CPQ: variants seen among roughly 807,000 people sequenced by gnomAD.
CPQ encodes the protein Ser-Met dipeptidase.
Under a neutral mutation model 45.7 loss-of-function variants are expected in CPQ, and 37 were observed. That is an observed-to-expected ratio of 0.81 (90% CI 0.62 to 1.07). CPQ has a LOEUF of 1.07. Among genes scored for constraint, CPQ ranks in the 50% least tolerant of loss-of-function variants. CPQ has a pLI of 0.00. For missense variants in CPQ, 537 were observed against 572.9 expected (o/e 0.94, Z 0.64); for synonymous variants, 186 against 205.8 (o/e 0.90, Z 0.82).
intron 5 of CPQ, among the ~76,000 whole-genome samples, chr8:97,025,459 T>G (rs1364584026): frequency 6.6e-6 from 1 of 152,170 alleles, no homozygotes; most frequent in African/African-American, 2.4e-5. Flanking sequence ...TTCTATATAT[T>G]TATAGGAGAA....
chr8:96,780,851 C>A (rs1164448452), intron 1 of CPQ, among the ~76,000 whole-genome samples: 1 of 151,752 alleles, frequency 6.6e-6, no homozygotes, highest in Non-Finnish European at 1.5e-5. Context: ...CAACACATTT[C>A]AAGGGCTCAA....
At chr8:96,736,411 C>T (rs1305437252) in intron 1 of CPQ, among the ~76,000 whole-genome samples, 3 of 152,122 alleles carry the variant, frequency 2.0e-5, no homozygotes, top group Non-Finnish European at 4.4e-5. Context: ...CTATTTCTTT[C>T]TATAAAATCC....
intron 3 of CPQ, among the ~76,000 whole-genome samples, chr8:96,853,063 T>C (rs779250465): frequency 6.6e-6 from 1 of 152,248 alleles, no homozygotes; most frequent in Non-Finnish European, 1.5e-5. Context: ...AGTTGTTTAC[T>C]AAAATAGGAC....
chr8:96,836,141 T>C (rs1400857148), intron 3 of CPQ, among the ~76,000 whole-genome samples: 1 of 152,196 alleles, frequency 6.6e-6, no homozygotes, highest in Non-Finnish European at 1.5e-5. Flanking sequence ...TAGGGTTTAT[T>C]TGGGTCTCCG....
chr8:96,938,801 A>G (rs1813087234), intron 4 of CPQ, among the ~76,000 whole-genome samples: 1 of 152,148 alleles, frequency 6.6e-6, no homozygotes. Flanking sequence ...AAAGGTGGAG[A>G]GTGGATCAGA....
chr8:96,702,950 A>G (rs920728647), intron 1 of CPQ, among the ~76,000 whole-genome samples: 1 of 152,196 alleles, frequency 6.6e-6, no homozygotes, highest in Non-Finnish European at 1.5e-5. Context: ...GCCTTATAGA[A>G]AAAATGTGTG....
At chr8:96,765,234 G>A (rs1810452213) in intron 1 of CPQ, among the ~76,000 whole-genome samples, 1 of 152,190 alleles carries the variant, frequency 6.6e-6, no homozygotes, top group Non-Finnish European at 1.5e-5. Flanking sequence ...GTATTTTCTA[G>A]TTTGGAAACA....
intron 3 of CPQ, 54 bp from the exon 4 acceptor site, chr8:96,879,744 A>C: frequency 7.3e-7 from 1 of 1,377,862 alleles, no homozygotes; most frequent in Non-Finnish European, 1.0e-6. Flanking sequence ...CTTTCAAAAA[A>C]GTCTTTTGGT....
intron 7 of CPQ, among the ~76,000 whole-genome samples, chr8:97,084,204 C>T (rs1349411232): frequency 6.6e-6 from 1 of 152,034 alleles, no homozygotes; most frequent in Non-Finnish European, 1.5e-5. Context: ...ATACTGGGGA[C>T]AAACTGATGA....
intron 7 of CPQ, among the ~76,000 whole-genome samples, chr8:97,078,690 A>G (rs182682283): frequency 1.3e-5 from 2 of 151,970 alleles, no homozygotes; most frequent in East Asian, 3.9e-4. Context: ...TTTAGTATGT[A>G]TATTCTACTA....
intron 3 of CPQ, among the ~76,000 whole-genome samples, chr8:96,850,578 ATTTTAT>A (rs1350054209): frequency 4.2e-5 from 6 of 144,048 alleles, no homozygotes; most frequent in African/African-American, 1.5e-4. Context: ...ATTTTATTTT[ATTTTAT>A]TTTATTTATT....
intron 3 of CPQ, among the ~76,000 whole-genome samples, chr8:96,865,050 T>C (rs924113661): frequency 2.6e-5 from 4 of 151,854 alleles, no homozygotes; most frequent in African/African-American, 7.3e-5. Flanking sequence ...AAATTCTAAG[T>C]GACAAAATGT....
intron 1 of CPQ, among the ~76,000 whole-genome samples, chr8:96,677,981 AAT>A (rs999744571): frequency 6.6e-6 from 1 of 151,706 alleles, no homozygotes; most frequent in African/African-American, 2.4e-5. Context: ...GCACTTACTT[AAT>A]ATATTTGGCT....
At chr8:96,880,654 T>C (rs957558914) in intron 4 of CPQ, among the ~76,000 whole-genome samples, 15 of 149,258 alleles carry the variant, frequency 1.0e-4, no homozygotes, top group Admixed American at 8.1e-4. Context: ...TGAAGGCCAT[T>C]ATCCTAAGTG....
Position 97,047,265 on chromosome 8 carries a change from C to T in CPQ, c.1053+17771C>T, listed in dbSNP as rs59952187. 4.6e-5 allele frequency among the ~76,000 whole-genome samples: 7 copies of T among 152,288 alleles called. No individual in the cohort carries two copies. The East Asian group carries it at 1.4e-3, about 29-fold the overall frequency. On this transcript the variant is annotated intron_variant, in intron 6 of 7. Transcript: ENST00000220763. ...ATGTACCCAAGTTTGCATAGCACAG[C>T]CCATAAGGTGCAGAGCCTGAACTTG...
chr8:97,035,414 G>A (rs1320790382), intron 6 of CPQ, among the ~76,000 whole-genome samples: 1 of 152,098 alleles, frequency 6.6e-6, no homozygotes, highest in Non-Finnish European at 1.5e-5. Context: ...CATATGATAG[G>A]TGATGTTTAA....
intron 1 of CPQ, among the ~76,000 whole-genome samples, chr8:96,656,626 C>G (rs1169152476): frequency 2.6e-5 from 4 of 152,124 alleles, no homozygotes. Flanking sequence ...AATTCCAACC[C>G]CTATGATCCA....
chr8:96,707,257 C>A (rs1394549093), intron 1 of CPQ, among the ~76,000 whole-genome samples: 1 of 152,056 alleles, frequency 6.6e-6, no homozygotes, highest in Non-Finnish European at 1.5e-5. Flanking sequence ...TCACTAGCCA[C>A]AAGGAGCTGA....
At chr8:96,779,424 A>C (rs1172756453) in intron 1 of CPQ, among the ~76,000 whole-genome samples, 1 of 152,140 alleles carries the variant, frequency 6.6e-6, no homozygotes, top group East Asian at 1.9e-4. Context: ...GTAAATGCAT[A>C]TAGTTTCCTA....
Sources: gnomAD v4.1 joint callset for allele counts (sites outside exome capture counted in the v4.1 genomes callset) on GRCh38, gnomAD v4.1.1 for gene constraint, MANE v1.5 for transcripts, NCBI Gene and HGNC (gene_info 2026-07-23, HGNC 2026-07-21) for gene names.